Variants in TDRKH observed in about 807,000 individuals in gnomAD.
TDRKH encodes tudor and KH domain-containing protein.
In TDRKH, 28 loss-of-function variants were observed where a neutral mutation model predicts 61.3. That is an observed-to-expected ratio of 0.46 (90% CI 0.34 to 0.63). The LOEUF is 0.63. Ranked by LOEUF, TDRKH falls within the 20% of genes least tolerant of loss-of-function variation. TDRKH has a pLI of 0.01. For missense variants in TDRKH, 540 were observed against 683.4 expected, an observed-to-expected ratio of 0.79 and a Z score of 2.34; for synonymous variants, 219 against 244.4, an observed-to-expected ratio of 0.90 and a Z score of 0.97.
chr1:151,778,570 C>G (rs1437878697), intron 6 of TDRKH, 115 bp downstream of exon 6: 43 of 1,566,186 alleles, frequency 2.7e-5, no homozygotes, highest in Non-Finnish European at 3.8e-5. Context: ...CTGTCCTGAC[C>G]CCAGCCATAT....
At chr1:151,779,266 C>T in intron 4 of TDRKH, 24 bp from the exon 5 acceptor site, 2 of 1,610,564 alleles carry the variant, frequency 1.2e-6, no homozygotes, top group Non-Finnish European at 1.7e-6. Flanking sequence ...TATATAAAAA[C>T]CTGCCCTTCC....
At chr1:151,771,933 G>A, downstream of TDRKH, 1 of 398,524 alleles carries the variant, frequency 2.5e-6, no homozygotes. Context: ...CGGAACTCTG[G>A]TAGCACCAGT....
chr1:151,776,498 G>T lies in TDRKH; in HGVS notation c.985C>A (p.Arg329Ser). The T allele has an allele frequency of 6.2e-7, 1 of 1,614,166 alleles. No individual in the cohort carries two copies. The highest frequency in any genetic ancestry group is 8.5e-7 in the Non-Finnish European group (1 of 1,180,032). ...NHFWIQIVGS[R>S]SLQLDKLVNE... The stretch of plus-strand genomic sequence containing the variant: ...ACAAGCTTATCCAATTGCAGGCTGC[G>T]GGAGCCAACGATCTGGATCCAGAAG... The change falls in exon 7 of 13, where the codon CGC becomes AGC. Residue 329 changes from arginine (R) to serine (S), a missense_variant. Arg to Ser is a moderately radical substitution (Grantham distance 110). Coordinates refer to ENST00000368824, the MANE Select transcript of TDRKH (RefSeq NM_001083965.2).
chr1:151,766,773 AG>A, downstream of TDRKH: 1 of 1,570,884 alleles, frequency 6.4e-7, no homozygotes, highest in Non-Finnish European at 8.6e-7. Flanking sequence ...TTATATCAAG[AG>A]GGGAAAAACA....
intron 1 of TDRKH, among the ~76,000 whole-genome samples, chr1:151,787,040 G>A (rs12041366): frequency 0.059 from 8,895 of 152,042 alleles, 859 homozygotes; most frequent in East Asian, 0.39. Context: ...AAGTTTGGAT[G>A]GTATTATATA....
downstream of TDRKH, chr1:151,766,882 A>C (rs1251073286): frequency 5.6e-6 from 9 of 1,608,502 alleles, no homozygotes; most frequent in Non-Finnish European, 6.8e-6. Context: ...CCTCGTTGTT[A>C]TAAAAGGTAC....
chr1:151,787,460 G>A (rs974308334), intron 1 of TDRKH, among the ~76,000 whole-genome samples: 3 of 152,012 alleles, frequency 2.0e-5, no homozygotes, highest in Non-Finnish European at 2.9e-5. Flanking sequence ...CTCATGATCC[G>A]CCCACCTCGG....
rs747443793 is a variant in TDRKH at position 151,776,076 on chromosome 1, G to A, written c.1217+20C>T. The A allele has an allele frequency of 1.4e-5, 23 of 1,604,478 alleles. No individual in the cohort carries two copies. In the Admixed American group the frequency reaches 1.5e-4, roughly 11 times the overall value. On this transcript the variant is annotated intron_variant, in intron 8 of 12. Transcript: ENST00000368824. ...CAGAACTGAGTCAGCAGTTGGGATT[G>A]AGCTGACCTCAGCACTGACCTGAGA...
At chr1:151,766,990 T>C, downstream of TDRKH, 1 of 1,364,998 alleles carries the variant, frequency 7.3e-7, no homozygotes, top group Non-Finnish European at 1.0e-6. Context: ...AACAACAGAA[T>C]AGGGGGTGGA....
chr1:151,774,985 A>G (rs1649011319), intron 11 of TDRKH, 80 bp downstream of exon 11: 1 of 1,468,228 alleles, frequency 6.8e-7, no homozygotes, highest in South Asian at 1.2e-5. Flanking sequence ...AAGCTAACAC[A>G]GTATCAGGAC....
At chr1:151,771,359 G>A (rs2101566789), downstream of TDRKH, 2 of 1,469,298 alleles carry the variant, frequency 1.4e-6, no homozygotes, top group South Asian at 1.5e-5. Context: ...TTGGGGGGGT[G>A]GGTAATAGGG....
At position 151,774,244 on chromosome 1, in the gene TDRKH, T is replaced by A; in HGVS notation, c.*208A>T. The A allele has an allele frequency of 8.6e-6, 5 of 581,520 alleles. No homozygotes were observed. Among genetic ancestry groups the A allele is most frequent in the Non-Finnish European group, 1.5e-5 (5 of 331,208 alleles). The allele number at this position is 581,520 out of a possible 1,614,324, so 36.0% of individuals were successfully genotyped here. Reference sequence around the variant, plus strand: ...TGCCAAATCCTGCCAAAGACAGAAATACACAAAAAGCTTGAAAGTGCTCAA... The same window carrying A: ...TGCCAAATCCTGCCAAAGACAGAAAAACACAAAAAGCTTGAAAGTGCTCAA... On this transcript the variant is annotated 3_prime_UTR_variant, in exon 13 of 13. Coordinates refer to ENST00000368824, the MANE Select transcript of TDRKH (RefSeq NM_001083965.2).
At chr1:151,774,601 C>T (rs1229476954) in intron 12 of TDRKH, 97 bp from the exon 13 acceptor site, 1 of 1,576,966 alleles carries the variant, frequency 6.3e-7, no homozygotes, top group African/African-American at 1.4e-5. Context: ...TCTTGGTACT[C>T]AATGACCTGA....
chr1:151,779,088 C>G lies in TDRKH; in HGVS notation c.561+15G>C. On this transcript the variant is annotated intron_variant, in intron 5 of 12. Transcript: ENST00000368824. ...TCTCATGCTCAGGTATAATTCAAGT[C>G]TATTAGCTACTTGCCTTGGCTGCTG... The G allele has an allele frequency of 1.9e-6, 3 of 1,613,828 alleles. No homozygotes were observed. Among genetic ancestry groups the G allele is most frequent in the Admixed American group, 1.7e-5 (1 of 59,974 alleles).
Position 151,778,801 on chromosome 1 carries a change from T to C in TDRKH, c.767A>G (p.Lys256Arg), listed in dbSNP as rs1649464454. 6.2e-7 allele frequency: 1 copy of C among 1,614,022 alleles called. No homozygotes were observed. Among genetic ancestry groups the C allele is most frequent in the Non-Finnish European group, 8.5e-7 (1 of 1,180,020 alleles). Residue 256 changes from lysine (K) to arginine (R), a missense_variant, in exon 6 of 13, where the codon AAA (lysine) becomes AGA (arginine). Lys to Arg is a conservative substitution (Grantham distance 26). Coordinates refer to ENST00000368824, the MANE Select transcript of TDRKH (RefSeq NM_001083965.2). ...TACCACAGCCATGTCGCCTCCTCCT[T>C]TGGGTGGAGGAGTCACCAGGGGTGC... ...PTAPLVTPPP[K>R]GGGDMAVVVS...
At chr1:151,775,745 G>T in intron 9 of TDRKH, 75 bp downstream of exon 9, 1 of 1,552,940 alleles carries the variant, frequency 6.4e-7, no homozygotes, top group Non-Finnish European at 8.8e-7. Flanking sequence ...CTGGGAATGT[G>T]AGAATTCCTT....
chr1:151,774,567 C>T (rs1123855), intron 12 of TDRKH, 63 bp from the exon 13 acceptor site: 758,955 of 1,599,992 alleles, frequency 0.47, 186,008 homozygotes, highest in Non-Finnish European at 0.51. Flanking sequence ...GCAATGCCAG[C>T]GAGGCTCAAA....
rs1648948932 is a variant in TDRKH at position 151,774,401 on chromosome 1, A to G, written c.*51T>C. 1 of 1,594,324 alleles carries G rather than the reference A, an allele frequency of 6.3e-7. No homozygotes were observed. Among genetic ancestry groups the G allele is most frequent in the South Asian group, 1.1e-5 (1 of 89,896 alleles). ...TTTCCTGTTGCTACAGATAGATGAT[A>G]GCTGCACTCACACAGCAAAGCAGAT... On this transcript the variant is annotated 3_prime_UTR_variant, in exon 13 of 13. Transcript: ENST00000368824.
chr1:151,767,132 A>G, downstream of TDRKH: 1 of 1,612,594 alleles, frequency 6.2e-7, no homozygotes, highest in South Asian at 1.1e-5. Flanking sequence ...AGATTCCAAG[A>G]TAAACTAATT....
Sources: gnomAD v4.1 joint callset for allele counts (sites outside exome capture counted in the v4.1 genomes callset) on GRCh38, gnomAD v4.1.1 for gene constraint, MANE v1.5 for transcripts, NCBI Gene and HGNC (gene_info 2026-07-23, HGNC 2026-07-21) for gene names.